Variants in MAGI2 observed in about 807,000 individuals in gnomAD.
MAGI2 encodes the protein membrane-associated guanylate kinase, WW and PDZ domain-containing protein 2.
In MAGI2, 35 loss-of-function variants were observed where a neutral mutation model predicts 133.3. The ratio of observed to expected loss-of-function variants is 0.26; its 90% CI spans 0.20 to 0.35. The LOEUF (loss-of-function observed/expected upper bound fraction) is 0.35, where lower values mean the gene tolerates loss of function less well. Ranked by LOEUF, MAGI2 falls within the 10% of genes least tolerant of loss-of-function variation. The probability of loss-of-function intolerance (pLI) is 1.00; values close to 1 mark genes in which losing one functional copy is unlikely to be tolerated. For synonymous variants in MAGI2, 729 were observed against 710.6 expected (o/e 1.03, Z -0.41); for missense variants, 1,636 against 1,863.4 (o/e 0.88, Z 2.25).
intron 1 of MAGI2, among the ~76,000 whole-genome samples, chr7:79,162,011 C>T (rs528636007): frequency 2.6e-5 from 4 of 151,892 alleles, no homozygotes; most frequent in East Asian, 2.0e-4. Flanking sequence ...AAGCCTAAAA[C>T]TTACCTTGCA....
At chr7:78,931,021 G>T (rs979216818) in intron 2 of MAGI2, among the ~76,000 whole-genome samples, 2 of 152,044 alleles carry the variant, frequency 1.3e-5, no homozygotes, top group African/African-American at 2.4e-5. Context: ...GATAGGAGTA[G>T]AAGAAAAAAA....
chr7:78,251,653 T>C (rs1329628694), intron 10 of MAGI2: 1 of 152,106 alleles, frequency 6.6e-6, no homozygotes, highest in East Asian at 1.9e-4. Flanking sequence ...TAGAAATAAA[T>C]TGAACAAAAG....
chr7:79,399,095 C>CT (rs767332496), intron 1 of MAGI2, among the ~76,000 whole-genome samples: 19,597 of 106,162 alleles, frequency 0.18, 2,920 homozygotes, highest in African/African-American at 0.32. Context: ...TTTTTCTTTT[C>CT]TTTTTTTTTT....
chr7:78,058,009 G>GTGTGTGTGTGTGTGTGTGTGTGT (rs1812824896), intron 21 of MAGI2, among the ~76,000 whole-genome samples: 1 of 104,792 alleles, frequency 9.5e-6, no homozygotes, highest in Admixed American at 8.5e-5. Context: ...ATATATGTAT[G>GTGTGTGTGTGTGTGTGTGTGTGT]AGAAACATCT....
intron 2 of MAGI2, among the ~76,000 whole-genome samples, chr7:78,808,770 G>A (rs1045636210): frequency 6.6e-6 from 1 of 152,178 alleles, no homozygotes; most frequent in Non-Finnish European, 1.5e-5. Flanking sequence ...TGCTATTGGT[G>A]GGGGAGATAT....
chr7:78,229,267 T>C (rs1789713939), intron 10 of MAGI2, among the ~76,000 whole-genome samples: 1 of 152,224 alleles, frequency 6.6e-6, no homozygotes, highest in Non-Finnish European at 1.5e-5. Context: ...TGTTTAGTCC[T>C]TGTAATTAGC....
At chr7:78,129,480 A>G (rs1223594937) in intron 18 of MAGI2, among the ~76,000 whole-genome samples, 1 of 152,254 alleles carries the variant, frequency 6.6e-6, no homozygotes, top group Non-Finnish European at 1.5e-5. Context: ...TACTTCTGAA[A>G]GAAGATCATC....
intron 13 of MAGI2, among the ~76,000 whole-genome samples, chr7:78,183,171 C>A (rs1827346984): frequency 6.6e-6 from 1 of 151,942 alleles, no homozygotes. Context: ...ATAAACGTAT[C>A]TGAGTCAGAA....
Position 78,854,008 on chromosome 7 carries a change from T to C in MAGI2, c.418+153082A>G, listed in dbSNP as rs1793411327. 5.3e-5 allele frequency among the ~76,000 whole-genome samples: 8 copies of C among 152,166 alleles called. No individual in the cohort carries two copies. In the South Asian group the frequency reaches 1.7e-3, roughly 32 times the overall value. On this transcript the variant is annotated intron_variant, in intron 2 of 21. Coordinates refer to ENST00000354212, the MANE Select transcript of MAGI2 (RefSeq NM_012301.4). ...TTTAAGAGTTTCTATCCAAACAAGATAGAAATATATTCAGCAGCTGAGATG... is the reference window on the plus strand; with the variant it reads ...TTTAAGAGTTTCTATCCAAACAAGACAGAAATATATTCAGCAGCTGAGATG...
intron 2 of MAGI2, among the ~76,000 whole-genome samples, chr7:78,769,208 A>G (rs1417060215): frequency 6.6e-6 from 1 of 152,118 alleles, no homozygotes; most frequent in Non-Finnish European, 1.5e-5. Flanking sequence ...ACATGATAAG[A>G]TACAAAAACA....
At chr7:79,389,735 G>T (rs562188255) in intron 1 of MAGI2, among the ~76,000 whole-genome samples, 51 of 149,776 alleles carry the variant, frequency 3.4e-4, no homozygotes, top group African/African-American at 1.3e-3. Flanking sequence ...GAATCCTAGT[G>T]TATATAATGG....
chr7:79,260,379 CA>C (rs1833989941), intron 1 of MAGI2, among the ~76,000 whole-genome samples: 1 of 23,186 alleles, frequency 4.3e-5, no homozygotes, highest in Non-Finnish European at 1.7e-4. Flanking sequence ...TACATACATA[CA>C]TACATACATA....
chr7:78,252,005 G>A (rs1792431596), intron 10 of MAGI2: 1 of 152,038 alleles, frequency 6.6e-6, no homozygotes, highest in Admixed American at 6.6e-5. Context: ...CAGGTACAGT[G>A]GCATGTGCCT....
intron 10 of MAGI2, among the ~76,000 whole-genome samples, chr7:78,203,882 G>T (rs554258776): frequency 6.6e-6 from 1 of 152,126 alleles, no homozygotes; most frequent in African/African-American, 2.4e-5. Flanking sequence ...CCAACTTTCC[G>T]CTCAACTTCA....
At chr7:78,853,336 T>TTCGTTC in intron 2 of MAGI2, among the ~76,000 whole-genome samples, 1 of 50,988 alleles carries the variant, frequency 2.0e-5, no homozygotes, top group African/African-American at 8.0e-5. Flanking sequence ...TTCGTTCTTT[T>TTCGTTC]TTTTTTTTTT....
At chr7:78,638,733 T>G (rs1400287496) in intron 2 of MAGI2, among the ~76,000 whole-genome samples, 1 of 152,232 alleles carries the variant, frequency 6.6e-6, no homozygotes, top group Non-Finnish European at 1.5e-5. Context: ...TTTCCTGAAT[T>G]TTTTAAGAGA....
At chr7:78,542,283 T>C (rs1798477870) in intron 3 of MAGI2, among the ~76,000 whole-genome samples, 1 of 152,174 alleles carries the variant, frequency 6.6e-6, no homozygotes, top group South Asian at 2.1e-4. Flanking sequence ...AATAATCAAT[T>C]ACATTGAGGT....
intron 20 of MAGI2, among the ~76,000 whole-genome samples, chr7:78,105,071 C>T (rs1162545069): frequency 6.6e-6 from 1 of 152,068 alleles, no homozygotes; most frequent in Non-Finnish European, 1.5e-5. Context: ...GGCTATATCC[C>T]TCAATAATAT....
rs1036299736 is a variant in MAGI2, at chr7:78,895,475, G to A, written c.418+111615C>T. Among the ~76,000 whole-genome samples the A allele has an allele frequency of 5.3e-5, 8 of 151,856 alleles. No homozygotes were observed. In the East Asian group the frequency reaches 1.2e-3, roughly 22 times the overall value. ...TGTAATGATGAAGAACTCAAACTAG[G>A]GCACATGTTAACCAGAGTTGCTTTA... is the stretch of plus-strand genomic sequence containing the variant. On this transcript the variant is annotated intron_variant, in intron 2 of 21. Transcript: ENST00000354212.
Sources: allele counts gnomAD v4.1 joint callset (sites outside exome capture counted in the v4.1 genomes callset), GRCh38; gene constraint gnomAD v4.1.1; transcripts MANE v1.5; gene names NCBI Gene and HGNC (gene_info 2026-07-23, HGNC 2026-07-21).